Variants in NCOA3 observed in about 807,000 individuals in gnomAD.
NCOA3 encodes CBP-interacting protein.
A neutral mutation model predicts 158.8 loss-of-function variants in NCOA3; 51 were observed. The observed-to-expected ratio is 0.32, with a 90% CI of 0.26 to 0.41. The LOEUF (loss-of-function observed/expected upper bound fraction) is 0.41, where lower values mean the gene tolerates loss of function less well. Among genes scored for constraint, NCOA3 ranks in the 10% least tolerant of loss-of-function variants. The pLI is 1.00. For synonymous variants in NCOA3, 537 were observed against 592.4 expected, an observed-to-expected ratio of 0.91 and a Z score of 1.36; for missense variants, 1,510 against 1,746.6, an observed-to-expected ratio of 0.86 and a Z score of 2.41.
chr20:47,523,953 C>T (rs373643109), intron 1 of NCOA3, among the ~76,000 whole-genome samples: 92 of 152,344 alleles, frequency 6.0e-4, no homozygotes, highest in African/African-American at 2.1e-3. Context: ...AGCATTTACC[C>T]ATAGAAGAAC....
chr20:47,629,474 C>A (rs144622818), intron 8 of NCOA3, among the ~76,000 whole-genome samples: 49 of 151,966 alleles, frequency 3.2e-4, no homozygotes, highest in Non-Finnish European at 6.0e-4. Flanking sequence ...AAATTACAGG[C>A]GCCCATCACC....
intron 1 of NCOA3, among the ~76,000 whole-genome samples, chr20:47,503,331 G>A (rs1203437994): frequency 6.6e-6 from 1 of 152,214 alleles, no homozygotes; most frequent in Admixed American, 6.5e-5. Context: ...CTGTAAGTTT[G>A]TGAATTGTTT....
At chr20:47,645,016 A>G (rs1258195463) in intron 17 of NCOA3, among the ~76,000 whole-genome samples, 1 of 152,012 alleles carries the variant, frequency 6.6e-6, no homozygotes, top group African/African-American at 2.4e-5. Flanking sequence ...AAATTTCCAC[A>G]TGTAGAGTTG....
intron 1 of NCOA3, among the ~76,000 whole-genome samples, chr20:47,545,681 C>T (rs757874908): frequency 2.8e-5 from 4 of 143,466 alleles, no homozygotes; most frequent in Non-Finnish European, 6.1e-5. Flanking sequence ...TGGTTTTCTT[C>T]TTTGGGATTC....
chr20:47,640,125 C>T, intron 16 of NCOA3, 74 bp downstream of exon 16: 2 of 1,584,590 alleles, frequency 1.3e-6, no homozygotes, highest in Non-Finnish European at 1.7e-6. Context: ...AGCACAGAAG[C>T]AAACGTGAAA....
intron 1 of NCOA3, among the ~76,000 whole-genome samples, chr20:47,526,008 G>T (rs1602346982): frequency 6.6e-6 from 1 of 151,146 alleles, no homozygotes; most frequent in African/African-American, 2.4e-5. Context: ...CCCAGACGGG[G>T]TGGCTGCTGG....
chr20:47,525,661 G>C (rs1219742197), intron 1 of NCOA3, among the ~76,000 whole-genome samples: 4 of 140,898 alleles, frequency 2.8e-5, no homozygotes, highest in Non-Finnish European at 4.6e-5. Flanking sequence ...CGGACGGGGG[G>C]GCTGACCCCC....
intron 4 of NCOA3, 34 bp downstream of exon 4, chr20:47,624,117 GTGGTTCCC>G: frequency 1.3e-6 from 2 of 1,565,200 alleles, no homozygotes; most frequent in Non-Finnish European, 1.7e-6. Flanking sequence ...TTGAACAGTG[GTGGTTCCC>G]AACCTTTTTG....
intron 1 of NCOA3, among the ~76,000 whole-genome samples, chr20:47,563,963 C>T (rs1211737526): frequency 1.3e-5 from 2 of 151,072 alleles, no homozygotes; most frequent in African/African-American, 4.9e-5. Context: ...AGTTTGAGAC[C>T]AGCCTGAGCA....
In NCOA3 at chr20:47,654,240, AT is replaced by A. The variant is rs984982259; in HGVS notation, c.*834del. On this transcript the variant is annotated 3_prime_UTR_variant, in exon 23 of 23. Coordinates refer to ENST00000371998, the MANE Select transcript of NCOA3 (RefSeq NM_181659.3). ...ACTTACGTGTTAGACAAGAACTATGATTTTTTTTTTTAAAGTACTGGTGTCA... is the reference window on the plus strand; with the variant it reads ...ACTTACGTGTTAGACAAGAACTATGATTTTTTTTTTAAAGTACTGGTGTCA... 1.7e-3 allele frequency: 251 copies of A among 150,074 alleles called. No individual in the cohort carries two copies. The highest frequency in any genetic ancestry group is 5.3e-3 in the African/African-American group (217 of 40,970). 9.3% of individuals were successfully genotyped at this position (150,074 alleles called of 1,614,324 possible). A position where few individuals can be genotyped will look rare whatever the true frequency, so the allele number is the denominator to read the frequency against.
At chr20:47,544,707 G>GT (rs1010559993) in intron 1 of NCOA3, among the ~76,000 whole-genome samples, 41 of 151,910 alleles carry the variant, frequency 2.7e-4, no homozygotes, top group Non-Finnish European at 5.0e-4. Flanking sequence ...TAATCAGCCA[G>GT]TTTTTTTTCC....
At chr20:47,616,128 ACCCGCCCCCCGCCCCCACCC>A (rs1568728417) in intron 2 of NCOA3, among the ~76,000 whole-genome samples, 1 of 94,708 alleles carries the variant, frequency 1.1e-5, no homozygotes, top group African/African-American at 4.1e-5. Flanking sequence ...ACTGCACTCC[ACCCGCCCCCCGCCCCCACCC>A]CCCGCCCCGC....
Position 47,581,728 on chromosome 20 carries a change from C to T in NCOA3, c.-98-1455C>T, listed in dbSNP as rs370118101. 7.2e-5 allele frequency among the ~76,000 whole-genome samples: 11 copies of T among 152,172 alleles called. No homozygotes were observed. In the East Asian group the frequency reaches 1.9e-3, roughly 27 times the overall value. ...TCATAAGGTAAAGTGAATGTTCTTACTGGTTCACTTATTTATTGCAGCAGA... is the reference window on the plus strand; with the variant it reads ...TCATAAGGTAAAGTGAATGTTCTTATTGGTTCACTTATTTATTGCAGCAGA... On this transcript the variant is annotated intron_variant, in intron 1 of 22. Coordinates refer to ENST00000371998, the MANE Select transcript of NCOA3 (RefSeq NM_181659.3).
intron 2 of NCOA3, among the ~76,000 whole-genome samples, chr20:47,591,803 TC>T (rs1238220820): frequency 9.2e-5 from 14 of 152,104 alleles, no homozygotes; most frequent in African/African-American, 2.4e-4. Context: ...GGTCTTTTTT[TC>T]TTGTGGATAC....
chr20:47,653,269 T>C (rs889074873), intron 22 of NCOA3, 137 bp from the exon 23 acceptor site: 2 of 1,221,908 alleles, frequency 1.6e-6, no homozygotes, highest in African/African-American at 3.0e-5. Flanking sequence ...CATTGTAAGA[T>C]GGGATCTCAG....
chr20:47,620,092 C>CTA (rs1568731107), intron 2 of NCOA3, among the ~76,000 whole-genome samples: 2 of 116,430 alleles, frequency 1.7e-5, no homozygotes, highest in African/African-American at 7.2e-5. Context: ...CTGCACCTGG[C>CTA]TCTTTAATTA....
intron 1 of NCOA3, among the ~76,000 whole-genome samples, chr20:47,524,304 C>T (rs558838042): frequency 1.3e-5 from 2 of 152,268 alleles, no homozygotes; most frequent in South Asian, 4.1e-4. Context: ...TGTAAAGACT[C>T]CTGCATGTTA....
chr20:47,567,620 A>G (rs1319849783), intron 1 of NCOA3, among the ~76,000 whole-genome samples: 1 of 151,802 alleles, frequency 6.6e-6, no homozygotes, highest in African/African-American at 2.4e-5. Flanking sequence ...CCCAGACTGG[A>G]GTGCAGTGGC....
At chr20:47,556,052 AG>A (rs1202296683) in intron 1 of NCOA3, among the ~76,000 whole-genome samples, 1 of 149,342 alleles carries the variant, frequency 6.7e-6, no homozygotes, top group Admixed American at 6.8e-5. Context: ...CTCCTGCCTC[AG>A]CCCCCTGGGT....
Sources: gnomAD v4.1 joint callset for allele counts (sites outside exome capture counted in the v4.1 genomes callset) on GRCh38, gnomAD v4.1.1 for gene constraint, MANE v1.5 for transcripts, NCBI Gene and HGNC (gene_info 2026-07-23, HGNC 2026-07-21) for gene names.